The following MAP4K5 variants were observed in gnomAD, a reference collection of about 807,000 sequenced individuals.
MAP4K5 encodes the protein mitogen-activated protein kinase kinase kinase kinase 5.
In MAP4K5, 82 loss-of-function variants were observed where a neutral mutation model predicts 135.6. The observed-to-expected ratio is 0.60, with a 90% CI of 0.51 to 0.73. The LOEUF is 0.73. Ranked by LOEUF, MAP4K5 falls within the 30% of genes least tolerant of loss-of-function variation. The pLI, the probability that MAP4K5 is intolerant of heterozygous loss-of-function variation, is 0.00. For synonymous variants in MAP4K5, 347 were observed against 335.0 expected, an observed-to-expected ratio of 1.04 and a Z score of -0.39; for missense variants, 907 against 1,010.9, an observed-to-expected ratio of 0.90 and a Z score of 1.39.
rs2035770726 is a variant in MAP4K5, at chr14:50,423,160, G to A, written c.2414C>T (p.Ser805Leu). ...FKSDEVTQEI[S>L]DETRVFRLLG... is the part of the protein sequence containing the mutation. ...TAAGCGGAAAACTCTTGTTTCATCT[G>A]AAATCTCCTGGGTAACCTAGGAAAG... Residue 805 changes from serine (S) to leucine (L), a missense_variant, in exon 32 of 33, where the codon TCA becomes TTA. Ser to Leu is a moderately radical substitution (Grantham distance 145). This residue lies in a region of MAP4K5 where 690 missense variants were observed against 777.4 expected (regional missense o/e 0.89). Transcript: ENST00000682126. 1.9e-6 allele frequency: 3 copies of A among 1,564,214 alleles called. No homozygotes were observed. The East Asian group carries it at 6.7e-5, about 35-fold the overall frequency.
rs866841442 is a variant in MAP4K5 at position 50,502,464 on chromosome 14, T to C, written c.166+2336A>G. Among the ~76,000 whole-genome samples the C allele has an allele frequency of 2.5e-4, 38 of 152,234 alleles. No homozygotes were observed. The Middle Eastern group carries it at 0.01, about 41-fold the overall frequency. ...AGTGTAAGAGGGAAAAAGGAAGCCATTCCCAATAGCGAGAAATACCATAAA... is the reference window on the plus strand; with the variant it reads ...AGTGTAAGAGGGAAAAAGGAAGCCACTCCCAATAGCGAGAAATACCATAAA... On this transcript the variant is annotated intron_variant, in intron 3 of 32. Transcript: ENST00000682126.
upstream of MAP4K5, among the ~76,000 whole-genome samples, chr14:50,534,675 CTA>C (rs970839946): frequency 6.6e-6 from 1 of 152,170 alleles, no homozygotes; most frequent in Admixed American, 6.5e-5. Context: ...AGTCAAGACT[CTA>C]TGTGGTGGTT....
At chr14:50,550,943 T>C (rs776441579) in intron 1 of MAP4K5, among the ~76,000 whole-genome samples, 1 of 151,550 alleles carries the variant, frequency 6.6e-6, no homozygotes, top group Non-Finnish European at 1.5e-5. Context: ...CATCAAAAAG[T>C]CTGAAAGAGC....
intron 2 of MAP4K5, among the ~76,000 whole-genome samples, chr14:50,511,052 C>A (rs1050596699): frequency 6.6e-6 from 1 of 152,182 alleles, no homozygotes; most frequent in African/African-American, 2.4e-5. Flanking sequence ...TGGAAGTAAT[C>A]AAGATGTCCT....
At chr14:50,438,865 C>T (rs1381820246) in intron 23 of MAP4K5, among the ~76,000 whole-genome samples, 5 of 152,064 alleles carry the variant, frequency 3.3e-5, no homozygotes, top group South Asian at 2.1e-4. Context: ...TCCTATTGGG[C>T]GTTGCTATCT....
intron 1 of MAP4K5, among the ~76,000 whole-genome samples, chr14:50,543,731 A>G (rs975403220): frequency 6.6e-6 from 1 of 152,214 alleles, no homozygotes; most frequent in African/African-American, 2.4e-5. Context: ...TTCAGAATGC[A>G]TGGGCCTGTG....
At chr14:50,515,152 T>A (rs1225064014) in intron 2 of MAP4K5, among the ~76,000 whole-genome samples, 2 of 152,196 alleles carry the variant, frequency 1.3e-5, no homozygotes, top group Non-Finnish European at 2.9e-5. Context: ...TCTGCCCGCC[T>A]TGGCCTCCCA....
At position 50,508,950 on chromosome 14, in the gene MAP4K5, T is replaced by C. The variant is rs561236803; in HGVS notation, c.109-4093A>G. On this transcript the variant is annotated intron_variant, in intron 2 of 32. Coordinates refer to ENST00000682126, the MANE Select transcript of MAP4K5 (RefSeq NM_006575.6). ...TGCACATGTATGTTTATTGTGGCAC[T>C]ATTCACAATAGTAAAGACTTGGAAC... 7.2e-5 allele frequency among the ~76,000 whole-genome samples: 11 copies of C among 152,288 alleles called. No homozygotes were observed. In the East Asian group the frequency reaches 1.9e-3, roughly 27 times the overall value.
chr14:50,444,715 G>A (rs1398382646), intron 18 of MAP4K5, among the ~76,000 whole-genome samples: 1 of 152,082 alleles, frequency 6.6e-6, no homozygotes, highest in Admixed American at 6.6e-5. Context: ...CTTTCCTAAT[G>A]TTATGTGTAT....
chr14:50,486,085 A>C lies in MAP4K5; in HGVS notation c.257+19T>G, dbSNP rs1325926139. On this transcript the variant is annotated intron_variant, in intron 4 of 32. Coordinates refer to ENST00000682126, the MANE Select transcript of MAP4K5 (RefSeq NM_006575.6). ...AATATATAAAATACAGAGAGAGATG[A>C]TGCTTTTTTTTCTCTTACCTAAGAT... 16 of 917,204 alleles carry C rather than the reference A, an allele frequency of 1.7e-5. No homozygotes were observed. Among genetic ancestry groups the C allele is most frequent in the Non-Finnish European group, 2.5e-5 (15 of 588,524 alleles). The allele number at this position is 917,204 out of a possible 1,614,324, so 56.8% of individuals were successfully genotyped here.
chr14:50,458,924 T>C (rs2036650232), intron 13 of MAP4K5, among the ~76,000 whole-genome samples: 1 of 152,182 alleles, frequency 6.6e-6, no homozygotes, highest in South Asian at 2.1e-4. Context: ...TCTTCCCACC[T>C]TGGTCTCCCA....
At position 50,476,183 on chromosome 14, in the gene MAP4K5, T is replaced by G. The variant is rs2037093544; in HGVS notation, c.427-13A>C. 1 of 1,497,978 alleles carries G rather than the reference T, an allele frequency of 6.7e-7. No individual in the cohort carries two copies. Among genetic ancestry groups the G allele is most frequent in the African/African-American group, 1.4e-5 (1 of 71,456 alleles). 92.8% of individuals were successfully genotyped at this position (1,497,978 alleles called of 1,614,324 possible). A position where few individuals can be genotyped will look rare whatever the true frequency, so the allele number is the denominator to read the frequency against. On this transcript the variant is annotated splice_polypyrimidine_tract_variant and intron_variant, in intron 7 of 32. Coordinates refer to ENST00000682126, the MANE Select transcript of MAP4K5 (RefSeq NM_006575.6). ...AAATATTAGCACCCTAGAACAAAAA[T>G]ACAAATACAATTAAATTAGCATCAT...
At chr14:50,506,593 A>G (rs1290261372) in intron 2 of MAP4K5, among the ~76,000 whole-genome samples, 4 of 152,240 alleles carry the variant, frequency 2.6e-5, no homozygotes, top group African/African-American at 9.6e-5. Context: ...CCTGGGTTCA[A>G]GTAATTTGCC....
chr14:50,531,867 A>G lies in MAP4K5; in HGVS notation c.108+75T>C, dbSNP rs773026526. 7.8e-5 allele frequency: 84 copies of G among 1,074,402 alleles called. 1 individual carries two copies. The highest frequency in any genetic ancestry group is 2.0e-4 in the Middle Eastern group (1 of 5,108). The allele number at this position is 1,074,402 out of a possible 1,614,324, so 66.6% of individuals were successfully genotyped here. A position where few individuals can be genotyped will look rare whatever the true frequency, so the allele number is the denominator to read the frequency against. On this transcript the variant is annotated intron_variant, in intron 2 of 32. Coordinates refer to ENST00000682126, the MANE Select transcript of MAP4K5 (RefSeq NM_006575.6). The stretch of plus-strand genomic sequence containing the variant: ...ATAAAAGCATCCTCCTCTCGCCCCA[A>G]TACTTCGCAGGAAAGTGGCCCCATT...
chr14:50,504,840 T>A lies in MAP4K5; in HGVS notation c.126A>T (p.Thr42=), dbSNP rs375280716. Residue 42 remains threonine, a synonymous_variant, in exon 3 of 33, where the codon ACA becomes ACT. Transcript: ENST00000682126. The part of the protein sequence containing the change: ...GDVYKARNVH[T]GELAAVKIIK... ...TGATTTTTACTGCAGCCAGCTCTCC[T>A]GTGTGTACATTTCTGGCCTAAAAAT... is the stretch of plus-strand genomic sequence containing the variant. 6.4e-7 allele frequency: 1 copy of A among 1,554,222 alleles called. No individual in the cohort carries two copies. Among genetic ancestry groups the A allele is most frequent in the Non-Finnish European group, 8.7e-7 (1 of 1,149,140 alleles).
chr14:50,529,179 T>G (rs1256680684), intron 2 of MAP4K5, among the ~76,000 whole-genome samples: 2 of 151,926 alleles, frequency 1.3e-5, no homozygotes, highest in Non-Finnish European at 2.9e-5. Context: ...GCTCAGGAGT[T>G]CGAGACCAGA....
At chr14:50,474,143 C>A (rs1268964477) in intron 9 of MAP4K5, among the ~76,000 whole-genome samples, 1 of 152,130 alleles carries the variant, frequency 6.6e-6, no homozygotes, top group African/African-American at 2.4e-5. Flanking sequence ...TGGCTCAAGT[C>A]TGTAATCTCA....
At chr14:50,510,885 T>C (rs1355450375) in intron 2 of MAP4K5, among the ~76,000 whole-genome samples, 1 of 152,194 alleles carries the variant, frequency 6.6e-6, no homozygotes, top group Non-Finnish European at 1.5e-5. Flanking sequence ...ACCTTGATAC[T>C]TTGGCAGTTT....
intron 2 of MAP4K5, among the ~76,000 whole-genome samples, chr14:50,518,367 C>T (rs1384429714): frequency 6.6e-6 from 1 of 152,048 alleles, no homozygotes; most frequent in Admixed American, 6.5e-5. Context: ...CTGCACCTAT[C>T]GACCTGTCCT....
Sources: gnomAD v4.1 joint callset for allele counts (sites outside exome capture counted in the v4.1 genomes callset) on GRCh38, gnomAD v4.1.1 for gene constraint, gnomAD v4.1.1 regional missense constraint, MANE v1.5 for transcripts, NCBI Gene and HGNC (gene_info 2026-07-23, HGNC 2026-07-21) for gene names.